The following SOBP variants were observed in gnomAD, a reference collection of about 807,000 sequenced individuals.
The protein encoded by SOBP is sine oculis-binding protein homolog.
Under a neutral mutation model 53.6 loss-of-function variants are expected in SOBP, and 4 were observed. That is an observed-to-expected ratio of 0.07 (90% CI 0.04 to 0.17). The LOEUF is 0.17. Ranked by LOEUF, SOBP falls within the 10% of genes least tolerant of loss-of-function variation. SOBP has a pLI of 1.00. For missense variants in SOBP, 1,088 were observed against 1,204.7 expected (o/e 0.90, Z 1.43); for synonymous variants, 584 against 522.6 (o/e 1.12, Z -1.60).
At chr6:107,544,678 T>C (rs1174155685) in intron 4 of SOBP, among the ~76,000 whole-genome samples, 1 of 152,242 alleles carries the variant, frequency 6.6e-6, no homozygotes. Flanking sequence ...AATTTTGGCA[T>C]TGATATGCGC....
At chr6:107,560,410 G>T (rs1784740842) in intron 4 of SOBP, among the ~76,000 whole-genome samples, 1 of 152,064 alleles carries the variant, frequency 6.6e-6, no homozygotes, top group South Asian at 2.1e-4. Flanking sequence ...CCTTTCCAGG[G>T]TCTCACCTTT....
intron 1 of SOBP, among the ~76,000 whole-genome samples, chr6:107,502,538 A>T (rs926206612): frequency 6.6e-6 from 1 of 152,212 alleles, no homozygotes; most frequent in East Asian, 1.9e-4. Flanking sequence ...TTGAAGTATG[A>T]TATCCATAAC....
chr6:107,579,278 A>G (rs1296164469), intron 4 of SOBP, among the ~76,000 whole-genome samples: 1 of 152,134 alleles, frequency 6.6e-6, no homozygotes, highest in Non-Finnish European at 1.5e-5. Flanking sequence ...TTAGCAGAGA[A>G]TGAAAAAGAA....
chr6:107,653,426 T>C (rs1051553697), intron 6 of SOBP, among the ~76,000 whole-genome samples: 3 of 152,230 alleles, frequency 2.0e-5, no homozygotes, highest in African/African-American at 7.2e-5. Context: ...ACGTAATGGC[T>C]GTATTTAACT....
intron 5 of SOBP, among the ~76,000 whole-genome samples, chr6:107,606,954 C>T (rs900321904): frequency 2.6e-5 from 4 of 152,196 alleles, no homozygotes; most frequent in African/African-American, 9.7e-5. Context: ...CTGGTAGACT[C>T]CTTGGCCTTG....
At chr6:107,655,121 G>A (rs1459843982) in intron 6 of SOBP, among the ~76,000 whole-genome samples, 2 of 152,038 alleles carry the variant, frequency 1.3e-5, no homozygotes, top group South Asian at 4.1e-4. Context: ...TTTAGACATG[G>A]AGGACAGTTT....
chr6:107,556,960 C>G (rs1158974907), intron 4 of SOBP, among the ~76,000 whole-genome samples: 2 of 152,132 alleles, frequency 1.3e-5, no homozygotes, highest in Non-Finnish European at 2.9e-5. Context: ...GATAGTATGT[C>G]ATTAATAGCA....
At chr6:107,596,587 A>G (rs1336842783) in intron 5 of SOBP, among the ~76,000 whole-genome samples, 1 of 152,212 alleles carries the variant, frequency 6.6e-6, no homozygotes, top group African/African-American at 2.4e-5. Context: ...TGTTAAATCA[A>G]TTAAGACATA....
chr6:107,504,087 A>G (rs1293296785), intron 2 of SOBP, among the ~76,000 whole-genome samples: 1 of 152,236 alleles, frequency 6.6e-6, no homozygotes, highest in Non-Finnish European at 1.5e-5. Flanking sequence ...GAAAGGGACA[A>G]TGTTTGCTAA....
At chr6:107,530,599 T>A (rs1386898226) in intron 3 of SOBP, among the ~76,000 whole-genome samples, 1 of 152,040 alleles carries the variant, frequency 6.6e-6, no homozygotes, top group Non-Finnish European at 1.5e-5. Flanking sequence ...TTTTTTAAAT[T>A]TTTTGAATAA....
rs549942807 is a variant in SOBP, at chr6:107,503,000, A to G, written c.97-657A>G. ...GGTCTTGAACTCTTGACCTCAAGTAATCTGTCTGCCTCAGCCTTCCAAAGT... is the reference window on the plus strand; with the variant it reads ...GGTCTTGAACTCTTGACCTCAAGTAGTCTGTCTGCCTCAGCCTTCCAAAGT... On this transcript the variant is annotated intron_variant, in intron 1 of 6. Transcript: ENST00000317357. Among the ~76,000 whole-genome samples, 220 of 152,294 alleles carry G rather than the reference A, an allele frequency of 1.4e-3. 1 individual carries two copies. The highest frequency in any genetic ancestry group is 2.7e-3 in the Non-Finnish European group (185 of 68,028).
intron 4 of SOBP, among the ~76,000 whole-genome samples, chr6:107,573,681 G>C (rs1785142696): frequency 1.3e-5 from 2 of 152,282 alleles, no homozygotes; most frequent in South Asian, 4.1e-4. Context: ...TTAAGAATTT[G>C]CTCTCACTTT....
intron 5 of SOBP, among the ~76,000 whole-genome samples, chr6:107,591,584 G>C (rs1044656627): frequency 5.9e-5 from 9 of 152,164 alleles, no homozygotes; most frequent in African/African-American, 2.2e-4. Context: ...GTATGGGCCA[G>C]GTGCACTGCA....
chr6:107,596,389 A>G (rs1356763966), intron 5 of SOBP, among the ~76,000 whole-genome samples: 2 of 152,232 alleles, frequency 1.3e-5, no homozygotes, highest in Non-Finnish European at 2.9e-5. Flanking sequence ...AATATATGCA[A>G]TAACATATCT....
At chr6:107,644,460 G>A (rs1029887301) in intron 6 of SOBP, among the ~76,000 whole-genome samples, 1 of 152,176 alleles carries the variant, frequency 6.6e-6, no homozygotes, top group Non-Finnish European at 1.5e-5. Flanking sequence ...AGCCATCTTG[G>A]AAGCTAAGAC....
chr6:107,606,590 A>G (rs1033337963), intron 5 of SOBP, among the ~76,000 whole-genome samples: 1 of 152,166 alleles, frequency 6.6e-6, no homozygotes, highest in African/African-American at 2.4e-5. Context: ...GAGGCAGCTA[A>G]TAGCTATCTA....
At chr6:107,539,098 A>G (rs1408518761) in intron 4 of SOBP, among the ~76,000 whole-genome samples, 1 of 152,268 alleles carries the variant, frequency 6.6e-6, no homozygotes, top group African/African-American at 2.4e-5. Context: ...CTTGAAAACC[A>G]CTTGAGAAAC....
At chr6:107,592,558 A>G (rs1488493886) in intron 5 of SOBP, among the ~76,000 whole-genome samples, 2 of 152,184 alleles carry the variant, frequency 1.3e-5, no homozygotes, top group Admixed American at 6.5e-5. Context: ...TTTACATACT[A>G]TTGCTTTGAT....
chr6:107,560,897 T>A (rs1011486665), intron 4 of SOBP, among the ~76,000 whole-genome samples: 7 of 152,144 alleles, frequency 4.6e-5, no homozygotes, highest in African/African-American at 1.7e-4. Context: ...CTTTTCAGGC[T>A]TTTTTACTTG....
Sources: allele counts gnomAD v4.1 joint callset (sites outside exome capture counted in the v4.1 genomes callset), GRCh38; gene constraint gnomAD v4.1.1; transcripts MANE v1.5; gene names NCBI Gene and HGNC (gene_info 2026-07-23, HGNC 2026-07-21).